CNTRL: variants seen among roughly 807,000 people sequenced by gnomAD.
CNTRL encodes the protein 110 kDa centrosomal protein.
In CNTRL, 233 loss-of-function variants were observed where a neutral mutation model predicts 303.7. The observed-to-expected ratio is 0.77, with a 90% CI of 0.69 to 0.86. The LOEUF is 0.86. CNTRL is among the 40% of genes least tolerant of loss of function. The probability of loss-of-function intolerance (pLI) is 0.00; values close to 1 mark genes in which losing one functional copy is unlikely to be tolerated. For synonymous variants in CNTRL, 900 were observed against 922.2 expected (o/e 0.98, Z 0.44); for missense variants, 2,524 against 2,650.6 (o/e 0.95, Z 1.05).
chr9:121,108,159 A>G (rs2049568688), intron 8 of CNTRL, among the ~76,000 whole-genome samples, 164 bp downstream of exon 8: 2 of 152,196 alleles, frequency 1.3e-5, no homozygotes, highest in African/African-American at 4.8e-5. Context: ...GTGCTAGATG[A>G]TATGGCTTCC....
At chr9:121,123,275 C>T (rs1438993055) in intron 12 of CNTRL, among the ~76,000 whole-genome samples, 1 of 152,024 alleles carries the variant, frequency 6.6e-6, no homozygotes, top group African/African-American at 2.4e-5. Context: ...ATTTTGGAAA[C>T]CTTTTTTAAA....
At position 121,173,292 on chromosome 9, in the gene CNTRL, C is replaced by G; in HGVS notation, c.6467C>G (p.Ala2156Gly). ...LERRQMEISD[A>G]MRTLKSEVKD... ...AGAAGACAAATGGAAATCAGTGATG[C>G]AATGAGGACACTTAAATCTGAGGTG... Residue 2156 changes from alanine (A) to glycine (G), a missense_variant, in exon 41 of 44, where the codon GCA (alanine) becomes GGA (glycine). By Grantham distance (60) the Ala-to-Gly change is moderately conservative (BLOSUM62 0). Transcript: ENST00000373855. The G allele has an allele frequency of 1.2e-6, 2 of 1,613,748 alleles. No individual in the cohort carries two copies. Among genetic ancestry groups the G allele is most frequent in the Non-Finnish European group, 1.7e-6 (2 of 1,179,846 alleles).
At chr9:121,132,915 G>A (rs1348357318) in intron 14 of CNTRL, among the ~76,000 whole-genome samples, 1 of 152,162 alleles carries the variant, frequency 6.6e-6, no homozygotes, top group Non-Finnish European at 1.5e-5. Context: ...GTCTGTTGGA[G>A]TTTGCTAGAG....
intron 14 of CNTRL, 112 bp from the exon 15 acceptor site, chr9:121,135,694 A>G (rs944770530): frequency 2.1e-6 from 2 of 946,432 alleles, no homozygotes; most frequent in African/African-American, 3.3e-5. Context: ...TGTGGCAGGC[A>G]TCAGTAGCTG....
At chr9:121,131,140 A>G (rs572867384) in intron 14 of CNTRL, among the ~76,000 whole-genome samples, 1 of 152,348 alleles carries the variant, frequency 6.6e-6, no homozygotes, top group South Asian at 2.1e-4. Flanking sequence ...GTAGATATCT[A>G]TTAGGTCTGC....
At chr9:121,130,797 C>G (rs1008394617) in intron 14 of CNTRL, among the ~76,000 whole-genome samples, 3 of 152,196 alleles carry the variant, frequency 2.0e-5, no homozygotes, top group African/African-American at 7.2e-5. Flanking sequence ...TTACACACTG[C>G]TTTAAATGTG....
chr9:121,128,350 A>G (rs904312286), intron 14 of CNTRL, among the ~76,000 whole-genome samples: 29 of 152,098 alleles, frequency 1.9e-4, no homozygotes, highest in African/African-American at 5.6e-4. Context: ...ACTGGTGTGA[A>G]ATGGTATCTC....
chr9:121,150,175 G>A lies in CNTRL; in HGVS notation c.3655G>A (p.Asp1219Asn). ...LHKLFPSRDADSGGDSQEESE... is the reference protein window; with the variant it reads ...LHKLFPSRDANSGGDSQEESE... ...TTCTGTTTATTTCTTTGAAGATGCA[G>A]ACAGTGGAGGAGATAGTCAGGAAGA... Residue 1219 changes from aspartate to asparagine, a missense_variant, in exon 25 of 44, where the codon GAC (aspartate) becomes AAC (asparagine). Asp to Asn is a conservative substitution (Grantham distance 23). Coordinates refer to ENST00000373855, the MANE Select transcript of CNTRL (RefSeq NM_007018.6). 6.2e-7 allele frequency: 1 copy of A among 1,603,526 alleles called. No individual in the cohort carries two copies. The highest frequency in any genetic ancestry group is 8.5e-7 in the Non-Finnish European group (1 of 1,174,048).
intron 7 of CNTRL, among the ~76,000 whole-genome samples, chr9:121,104,638 G>A (rs973424546): frequency 1.3e-5 from 2 of 151,632 alleles, no homozygotes; most frequent in African/African-American, 4.8e-5. Flanking sequence ...GGTGTGAGAT[G>A]GCACAGGGCC....
intron 1 of CNTRL, among the ~76,000 whole-genome samples, chr9:121,078,575 A>G (rs1158615573): frequency 6.6e-6 from 1 of 152,200 alleles, no homozygotes; most frequent in Non-Finnish European, 1.5e-5. Flanking sequence ...CAATTCTGAC[A>G]CTGTCTACCT....
chr9:121,124,372 A>G (rs1411218497), intron 13 of CNTRL, among the ~76,000 whole-genome samples: 2 of 152,232 alleles, frequency 1.3e-5, no homozygotes, highest in African/African-American at 2.4e-5. Context: ...TGTCTATGAC[A>G]TAAAATCCAT....
At chr9:121,123,438 A>T (rs1393932247) in intron 12 of CNTRL, among the ~76,000 whole-genome samples, 1 of 152,116 alleles carries the variant, frequency 6.6e-6, no homozygotes, top group Admixed American at 6.6e-5. Context: ...AACAAAAAGT[A>T]AAAACAAACA....
At position 121,177,461 on chromosome 9, in the gene CNTRL, G is replaced by C. The variant is rs932433453; in HGVS notation, c.*275G>C. 7 of 361,712 alleles carry C rather than the reference G, an allele frequency of 1.9e-5. No homozygotes were observed. Among genetic ancestry groups the C allele is most frequent in the African/African-American group, 4.2e-5 (2 of 47,288 alleles). The allele number at this position is 361,712 out of a possible 1,614,324, so 22.4% of individuals were successfully genotyped here. On this transcript the variant is annotated 3_prime_UTR_variant, in exon 44 of 44. Coordinates refer to ENST00000373855, the MANE Select transcript of CNTRL (RefSeq NM_007018.6). ...TTCGTAACATGTTTAAAAAAAAACA[G>C]TGATTTTAACTGCATATTTGAACCT...
intron 4 of CNTRL, among the ~76,000 whole-genome samples, chr9:121,093,043 G>A (rs1197992904): frequency 6.6e-6 from 1 of 150,838 alleles, no homozygotes; most frequent in Non-Finnish European, 1.5e-5. Flanking sequence ...TCCTGACCTT[G>A]TGATCTCCCC....
intron 14 of CNTRL, among the ~76,000 whole-genome samples, chr9:121,130,584 C>G (rs564285864): frequency 1.3e-5 from 2 of 152,246 alleles, no homozygotes; most frequent in East Asian, 3.9e-4. Context: ...AAAACCAGCT[C>G]CTGGATTCAC....
chr9:121,119,080 A>ATGTGTGTG lies in CNTRL; in HGVS notation c.1650+560_1650+567dup, dbSNP rs3047904. 1.5e-3 allele frequency among the ~76,000 whole-genome samples: 223 copies of ATGTGTGTG among 148,544 alleles called. 1 individual carries two copies. Among genetic ancestry groups the ATGTGTGTG allele is most frequent in the African/African-American group, 4.5e-3 (183 of 40,306 alleles). ...ATATATGTGTATTATACATAAATATATGTGTGTGTGTGTGTGTGTGTGTGT... is the reference window on the plus strand; with the variant it reads ...ATATATGTGTATTATACATAAATATATGTGTGTGTGTGTGTGTGTGTGTGTGTGTGTGT... On this transcript the variant is annotated intron_variant, in intron 12 of 43. Transcript: ENST00000373855.
At chr9:121,104,132 C>T (rs1166440003) in intron 7 of CNTRL, among the ~76,000 whole-genome samples, 1 of 152,186 alleles carries the variant, frequency 6.6e-6, no homozygotes, top group Admixed American at 6.5e-5. Flanking sequence ...ACCTGAATGT[C>T]CATCAATGAT....
At chr9:121,113,797 A>G (rs2133169046) in intron 10 of CNTRL, 73 bp downstream of exon 10, 1 of 1,026,038 alleles carries the variant, frequency 9.7e-7, no homozygotes, top group Non-Finnish European at 1.3e-6. Flanking sequence ...ATTTTGTTTT[A>G]TAAGTCTTTT....
intron 9 of CNTRL, among the ~76,000 whole-genome samples, chr9:121,113,152 T>C (rs1407910): frequency 0.7 from 106,131 of 152,018 alleles, 37,531 homozygotes; most frequent in East Asian, 0.96. Context: ...TGAGATTTTA[T>C]TTATATGAGC....
Sources: gnomAD v4.1 joint callset for allele counts (sites outside exome capture counted in the v4.1 genomes callset) on GRCh38, gnomAD v4.1.1 for gene constraint, MANE v1.5 for transcripts, NCBI Gene and HGNC (gene_info 2026-07-23, HGNC 2026-07-21) for gene names.